MTPN: variants seen among roughly 807,000 people sequenced by gnomAD.
MTPN encodes granule cell differentiation protein.
MTPN carries 2 observed loss-of-function variants against 13.5 expected under a neutral mutation model. The observed-to-expected ratio is 0.15, with a 90% CI of 0.06 to 0.47. MTPN has a LOEUF of 0.47. Ranked by LOEUF, MTPN falls within the 20% of genes least tolerant of loss-of-function variation. The pLI is 0.97. For synonymous variants in MTPN, 46 were observed against 51.7 expected (o/e 0.89, Z 0.48); for missense variants, 79 against 137.9 (o/e 0.57, Z 2.14).
intron 1 of MTPN, among the ~76,000 whole-genome samples, chr7:135,973,713 C>A (rs575587432): frequency 6.6e-6 from 1 of 152,060 alleles, no homozygotes; most frequent in African/African-American, 2.4e-5. Flanking sequence ...GTTTTCCAGC[C>A]GGACAACTGA....
In MTPN at chr7:135,964,033, T is replaced by C. The variant is rs1200462380; in HGVS notation, c.73-12403A>G. ...AGAAAGACTATCAAAATTAAGAAAA[T>C]CCATTTAAAACATTATAATATGTCA... On this transcript the variant is annotated intron_variant, in intron 1 of 3. Transcript: ENST00000393085. 2.6e-5 allele frequency among the ~76,000 whole-genome samples: 4 copies of C among 151,774 alleles called. No homozygotes were observed. The East Asian group carries it at 5.8e-4, about 22-fold the overall frequency.
At position 135,931,859 on chromosome 7, in the gene MTPN, T is replaced by TTA. The variant is rs527490675; in HGVS notation, c.271-1849_271-1848dup. On this transcript the variant is annotated intron_variant, in intron 3 of 3. Coordinates refer to ENST00000393085, the MANE Select transcript of MTPN (RefSeq NM_145808.4). ...CTTAATTATTATGGGTACATAACAG[T>TTA]TATATATATAGATGGGGTATGTGAT... Among the ~76,000 whole-genome samples, 47 of 152,258 alleles carry TTA rather than the reference T, an allele frequency of 3.1e-4. 1 individual carries two copies. In the South Asian group the frequency reaches 9.3e-3, roughly 30 times the overall value.
chr7:135,960,470 A>T (rs1799503747), intron 1 of MTPN, among the ~76,000 whole-genome samples: 1 of 152,076 alleles, frequency 6.6e-6, no homozygotes, highest in Non-Finnish European at 1.5e-5. Flanking sequence ...GTGTGGTCAG[A>T]GGCAATCCTC....
At chr7:135,948,819 C>T (rs1403437129) in intron 3 of MTPN, among the ~76,000 whole-genome samples, 1 of 152,088 alleles carries the variant, frequency 6.6e-6, no homozygotes, top group Non-Finnish European at 1.5e-5. Flanking sequence ...GGAAAGAGTA[C>T]ATTTAGGGCA....
At chr7:135,952,129 T>C (rs1799372362) in intron 1 of MTPN, among the ~76,000 whole-genome samples, 1 of 152,218 alleles carries the variant, frequency 6.6e-6, no homozygotes, top group Non-Finnish European at 1.5e-5. Context: ...GGCACTGTGC[T>C]AGACAGTAGG....
intron 3 of MTPN, among the ~76,000 whole-genome samples, chr7:135,947,242 T>A (rs1298499355): frequency 6.6e-6 from 1 of 152,166 alleles, no homozygotes; most frequent in Non-Finnish European, 1.5e-5. Flanking sequence ...AACTTGTCAC[T>A]CCATTTGTTG....
At chr7:135,971,679 A>G (rs753100167) in intron 1 of MTPN, among the ~76,000 whole-genome samples, 3 of 152,222 alleles carry the variant, frequency 2.0e-5, no homozygotes, top group Admixed American at 6.5e-5. Flanking sequence ...CTTACTGTTG[A>G]TAAGTAAATG....
rs755223313 is a variant in MTPN, at chr7:135,927,657, AAAG to A, written c.*2266_*2268del. ...TACATTATAAATAACCTAGTTAAAAAAAGAAACTGTGAACCATCTTGGTCAGTC... is the reference window on the plus strand; with the variant it reads ...TACATTATAAATAACCTAGTTAAAAAAAACTGTGAACCATCTTGGTCAGTC... On this transcript the variant is annotated 3_prime_UTR_variant, in exon 4 of 4. Coordinates refer to ENST00000393085, the MANE Select transcript of MTPN (RefSeq NM_145808.4). The A allele has an allele frequency of 1.1e-4, 66 of 611,528 alleles. No individual in the cohort carries two copies. Among genetic ancestry groups the A allele is most frequent in the South Asian group, 9.6e-4 (61 of 63,598 alleles). The allele number at this position is 611,528 out of a possible 1,614,324, so 37.9% of individuals were successfully genotyped here. A position where few individuals can be genotyped will look rare whatever the true frequency, so the allele number is the denominator to read the frequency against.
intron 3 of MTPN, 114 bp downstream of exon 3, chr7:135,950,485 A>G: frequency 1.2e-6 from 1 of 851,812 alleles, no homozygotes; most frequent in Non-Finnish European, 1.9e-6. Context: ...AATTTTGTAT[A>G]TTGCTTCCAG....
intron 3 of MTPN, among the ~76,000 whole-genome samples, chr7:135,937,370 T>TACACACACACAC (rs35704525): frequency 5.7e-4 from 82 of 144,496 alleles, no homozygotes; most frequent in African/African-American, 2.0e-3. Context: ...GCTAACTGGA[T>TACACACACACAC]ACACACACAC....
intron 1 of MTPN, among the ~76,000 whole-genome samples, chr7:135,970,743 A>G (rs1316955062): frequency 6.6e-6 from 1 of 152,144 alleles, no homozygotes; most frequent in Non-Finnish European, 1.5e-5. Context: ...GTAAAAAAAG[A>G]TCTTCCTCTA....
At chr7:135,953,642 TGA>T (rs1799397880) in intron 1 of MTPN, among the ~76,000 whole-genome samples, 1 of 152,194 alleles carries the variant, frequency 6.6e-6, no homozygotes, top group Non-Finnish European at 1.5e-5. Flanking sequence ...TTAAGCATTC[TGA>T]GAGAAGGGTG....
chr7:135,937,173 C>T (rs1030738741), intron 3 of MTPN, among the ~76,000 whole-genome samples: 8 of 152,136 alleles, frequency 5.3e-5, no homozygotes, highest in Non-Finnish European at 8.8e-5. Context: ...AACTCTCAAA[C>T]TCCTCAGAGG....
At chr7:135,962,678 G>T (rs1799543484) in intron 1 of MTPN, among the ~76,000 whole-genome samples, 1 of 151,864 alleles carries the variant, frequency 6.6e-6, no homozygotes, top group Non-Finnish European at 1.5e-5. Context: ...AGAAGTTTCA[G>T]ATTTTCTCTT....
At chr7:135,969,228 T>TA (rs1194753537) in intron 1 of MTPN, among the ~76,000 whole-genome samples, 1 of 109,976 alleles carries the variant, frequency 9.1e-6, no homozygotes, top group East Asian at 2.6e-4. Flanking sequence ...CCCTAAAACT[T>TA]AAAGTATAAT....
chr7:135,933,144 C>T (rs893578508), intron 3 of MTPN, among the ~76,000 whole-genome samples: 3 of 143,830 alleles, frequency 2.1e-5, no homozygotes, highest in African/African-American at 7.7e-5. Context: ...TTTGAAGTAA[C>T]TGAAGAATTT....
At chr7:135,937,569 T>C (rs1421107722) in intron 3 of MTPN, among the ~76,000 whole-genome samples, 1 of 152,230 alleles carries the variant, frequency 6.6e-6, no homozygotes, top group Non-Finnish European at 1.5e-5. Flanking sequence ...TATACTTTTG[T>C]ATACTTTAAA....
intron 3 of MTPN, among the ~76,000 whole-genome samples, chr7:135,945,655 C>A (rs182282594): frequency 6.6e-6 from 1 of 152,068 alleles, no homozygotes; most frequent in East Asian, 1.9e-4. Context: ...GATAAAAATG[C>A]CTTTTTCTAG....
intron 1 of MTPN, among the ~76,000 whole-genome samples, chr7:135,952,732 C>A (rs1799381669): frequency 6.6e-6 from 1 of 152,138 alleles, no homozygotes; most frequent in South Asian, 2.1e-4. Flanking sequence ...GAGGCCAAGA[C>A]TGGTACATCA....
Sources: gnomAD v4.1 joint callset for allele counts (sites outside exome capture counted in the v4.1 genomes callset) on GRCh38, gnomAD v4.1.1 for gene constraint, MANE v1.5 for transcripts, NCBI Gene and HGNC (gene_info 2026-07-23, HGNC 2026-07-21) for gene names.